HS3ST3A1: variants seen among roughly 807,000 people sequenced by gnomAD.
The protein encoded by HS3ST3A1 is heparan sulfate-glucosamine 3-sulfotransferase 3A1.
In HS3ST3A1, 19 loss-of-function variants were observed where a neutral mutation model predicts 25.7. That is an observed-to-expected ratio of 0.74 (90% CI 0.52 to 1.08). The LOEUF (loss-of-function observed/expected upper bound fraction) is 1.08. Ranked by LOEUF, HS3ST3A1 falls within the 50% of genes least tolerant of loss-of-function variation. The probability of loss-of-function intolerance (pLI) is 0.00; values close to 1 mark genes in which losing one functional copy is unlikely to be tolerated. For missense variants in HS3ST3A1, 459 were observed against 594.3 expected (o/e 0.77, Z 2.37); for synonymous variants, 226 against 278.6 (o/e 0.81, Z 1.88).
intron 1 of HS3ST3A1, among the ~76,000 whole-genome samples, chr17:13,522,546 T>G (rs1022207708): frequency 6.6e-6 from 1 of 152,116 alleles, no homozygotes; most frequent in African/African-American, 2.4e-5. Flanking sequence ...CTGAAGGAAA[T>G]AGCAAAATAT....
intron 1 of HS3ST3A1, among the ~76,000 whole-genome samples, chr17:13,596,198 T>C (rs1199544854): frequency 6.6e-6 from 1 of 152,186 alleles, no homozygotes; most frequent in Non-Finnish European, 1.5e-5. Flanking sequence ...GGAATATCCA[T>C]TCACACAAGG....
intron 1 of HS3ST3A1, among the ~76,000 whole-genome samples, chr17:13,512,713 C>A (rs935466100): frequency 1.3e-5 from 2 of 152,042 alleles, no homozygotes; most frequent in South Asian, 2.1e-4. Context: ...AATTAGTATT[C>A]AAAATCTTGA....
chr17:13,571,674 A>C (rs796622622), intron 1 of HS3ST3A1, among the ~76,000 whole-genome samples: 18 of 152,386 alleles, frequency 1.2e-4, no homozygotes, highest in African/African-American at 4.1e-4. Context: ...AAATGTAAAG[A>C]ATAGAATCTA....
intron 1 of HS3ST3A1, among the ~76,000 whole-genome samples, chr17:13,576,696 C>T (rs1907956267): frequency 6.6e-6 from 1 of 152,246 alleles, no homozygotes; most frequent in African/African-American, 2.4e-5. Context: ...TAACACCTAA[C>T]ATCTGAGGCA....
intron 1 of HS3ST3A1, among the ~76,000 whole-genome samples, chr17:13,576,419 C>A (rs1907950099): frequency 6.6e-6 from 1 of 152,234 alleles, no homozygotes; most frequent in South Asian, 2.1e-4. Context: ...CAAAACATGG[C>A]AGCTAATTTC....
At chr17:13,512,317 A>AAAAAAAAAAAAAAAAAC (rs1905897654) in intron 1 of HS3ST3A1, among the ~76,000 whole-genome samples, 1 of 150,916 alleles carries the variant, frequency 6.6e-6, no homozygotes, top group African/African-American at 2.5e-5. Flanking sequence ...AAAAAAAAAA[A>AAAAAAAAAAAAAAAAAC]AAAAAAAAAA....
intron 1 of HS3ST3A1, among the ~76,000 whole-genome samples, chr17:13,524,418 C>A (rs1460651529): frequency 6.6e-6 from 1 of 152,200 alleles, no homozygotes; most frequent in South Asian, 2.1e-4. Context: ...CTACCACACC[C>A]GGCTAATTTT....
chr17:13,532,232 G>A (rs1906626357), intron 1 of HS3ST3A1, among the ~76,000 whole-genome samples: 1 of 152,078 alleles, frequency 6.6e-6, no homozygotes, highest in Non-Finnish European at 1.5e-5. Flanking sequence ...CATCTCTTAT[G>A]CCCTCCCAAG....
At chr17:13,509,586 G>C (rs1458647969) in intron 1 of HS3ST3A1, among the ~76,000 whole-genome samples, 5 of 145,478 alleles carry the variant, frequency 3.4e-5, no homozygotes, top group African/African-American at 1.2e-4. Context: ...ATTTGTGTGC[G>C]AGAGAGAGAC....
At chr17:13,583,890 G>A (rs1294105641) in intron 1 of HS3ST3A1, among the ~76,000 whole-genome samples, 1 of 152,160 alleles carries the variant, frequency 6.6e-6, no homozygotes. Flanking sequence ...ACATTTGTGA[G>A]TCAGACAATA....
intron 1 of HS3ST3A1, among the ~76,000 whole-genome samples, chr17:13,597,582 A>C (rs991831636): frequency 6.6e-6 from 1 of 152,118 alleles, no homozygotes; most frequent in Non-Finnish European, 1.5e-5. Flanking sequence ...TTTTTTTTTA[A>C]ACTCCACCAG....
chr17:13,544,470 C>A (rs1327433852), intron 1 of HS3ST3A1, among the ~76,000 whole-genome samples: 1 of 152,206 alleles, frequency 6.6e-6, no homozygotes, highest in South Asian at 2.1e-4. Context: ...GAAGGAAGGG[C>A]TCGCTGCCTG....
intron 1 of HS3ST3A1, among the ~76,000 whole-genome samples, chr17:13,522,255 C>T (rs1404600085): frequency 6.6e-6 from 1 of 151,280 alleles, no homozygotes; most frequent in Non-Finnish European, 1.5e-5. Context: ...TTAACAATAC[C>T]GAGAGAGTAT....
intron 1 of HS3ST3A1, among the ~76,000 whole-genome samples, chr17:13,523,813 T>A (rs539077806): frequency 4.6e-5 from 7 of 152,340 alleles, no homozygotes; most frequent in East Asian, 1.9e-4. Context: ...TTATGTAATG[T>A]ATGTTTTATA....
chr17:13,499,310 T>C (rs1309007515), intron 1 of HS3ST3A1, among the ~76,000 whole-genome samples: 2 of 152,216 alleles, frequency 1.3e-5, no homozygotes, highest in African/African-American at 2.4e-5. Context: ...ATGTTACTCT[T>C]GTCTAAGGTG....
chr17:13,560,255 A>ACTC (rs1361240166), intron 1 of HS3ST3A1, among the ~76,000 whole-genome samples: 2 of 133,152 alleles, frequency 1.5e-5, no homozygotes, highest in Non-Finnish European at 3.1e-5. Flanking sequence ...GCGCCACTAT[A>ACTC]CTCCAGCCTG....
At chr17:13,504,351 A>G (rs1905586583) in intron 1 of HS3ST3A1, among the ~76,000 whole-genome samples, 1 of 132,680 alleles carries the variant, frequency 7.5e-6, no homozygotes. Context: ...GGTGAACATT[A>G]CAATGCTAAC....
rs1233628715 is a variant in HS3ST3A1 at position 13,494,389 on chromosome 17, TA to T, written c.*1807del. 6.6e-6 allele frequency among the ~76,000 whole-genome samples: 1 copy of T among 152,236 alleles called. No homozygotes were observed. Among genetic ancestry groups the T allele is most frequent in the African/African-American group, 2.4e-5 (1 of 41,462 alleles). On this transcript the variant is annotated 3_prime_UTR_variant, in exon 2 of 2. Transcript: ENST00000284110. ...AGATTTGGAGCAATGACAAAATATCTAACACTTAAAATATTTTTTCCTTCAT... is the reference window on the plus strand; with the variant it reads ...AGATTTGGAGCAATGACAAAATATCTACACTTAAAATATTTTTTCCTTCAT...
At chr17:13,568,419 G>C (rs1290799711) in intron 1 of HS3ST3A1, among the ~76,000 whole-genome samples, 1 of 152,122 alleles carries the variant, frequency 6.6e-6, no homozygotes, top group Non-Finnish European at 1.5e-5. Flanking sequence ...TCTGAGGTAT[G>C]CCTGGACTAT....
Sources: gnomAD v4.1 joint callset for allele counts (sites outside exome capture counted in the v4.1 genomes callset) on GRCh38, gnomAD v4.1.1 for gene constraint, MANE v1.5 for transcripts, NCBI Gene and HGNC (gene_info 2026-07-23, HGNC 2026-07-21) for gene names.